Variants in CPNE4 observed in about 807,000 individuals in gnomAD.
CPNE4 encodes copine 4.
CPNE4 carries 25 observed loss-of-function variants against 67.9 expected under a neutral mutation model. The ratio of observed to expected loss-of-function variants is 0.37; its 90% CI spans 0.27 to 0.51. The LOEUF is 0.51. Among genes scored for constraint, CPNE4 ranks in the 20% least tolerant of loss-of-function variants. CPNE4 has a pLI of 0.93. For synonymous variants in CPNE4, 242 were observed against 244.9 expected (o/e 0.99, Z 0.11); for missense variants, 464 against 690.8 (o/e 0.67, Z 3.68).
At chr3:131,777,360 A>C (rs2083315200) in intron 2 of CPNE4, among the ~76,000 whole-genome samples, 1 of 149,200 alleles carries the variant, frequency 6.7e-6, no homozygotes, top group Non-Finnish European at 1.5e-5. Context: ...TTTGAATCAG[A>C]GAAAATAGCA....
intron 1 of CPNE4, among the ~76,000 whole-genome samples, chr3:131,940,782 G>A (rs571832583): frequency 6.6e-6 from 1 of 152,194 alleles, no homozygotes; most frequent in African/African-American, 2.4e-5. Flanking sequence ...TTGTGACCAG[G>A]AACACACAAT....
At chr3:131,886,966 T>C (rs2087918110) in intron 2 of CPNE4, among the ~76,000 whole-genome samples, 1 of 152,178 alleles carries the variant, frequency 6.6e-6, no homozygotes, top group African/African-American at 2.4e-5. Context: ...AATGCTGAAA[T>C]GAGTTAAGAC....
chr3:131,972,155 C>T (rs1489935445), intron 1 of CPNE4, among the ~76,000 whole-genome samples: 2 of 152,082 alleles, frequency 1.3e-5, no homozygotes, highest in East Asian at 1.9e-4. Context: ...AAAAGAAATA[C>T]CTATCTTCTC....
rs190744596 is a variant in CPNE4 at position 131,898,030 on chromosome 3, T to C, written c.180+7234A>G. ...TACCTGATACATTGTTTAAGTACTC[T>C]CAATATATTTAAGGTATTATAAATA... On this transcript the variant is annotated intron_variant, in intron 2 of 15. Coordinates refer to ENST00000429747, the MANE Select transcript of CPNE4 (RefSeq NM_130808.3). 1.8e-3 allele frequency among the ~76,000 whole-genome samples: 267 copies of C among 152,212 alleles called. 1 individual carries two copies. Among genetic ancestry groups the C allele is most frequent in the African/African-American group, 6.1e-3 (255 of 41,546 alleles).
chr3:131,632,947 T>C (rs929939664), intron 7 of CPNE4, among the ~76,000 whole-genome samples: 1 of 152,146 alleles, frequency 6.6e-6, no homozygotes, highest in African/African-American at 2.4e-5. Context: ...GATGATCCCG[T>C]ATCTCTCCAG....
chr3:131,795,818 C>T (rs1229603752), intron 2 of CPNE4, among the ~76,000 whole-genome samples: 1 of 152,180 alleles, frequency 6.6e-6, no homozygotes. Context: ...TATGACTCCT[C>T]TTATAGCTCA....
At chr3:132,023,562 A>T (rs2074048853) in intron 1 of CPNE4, among the ~76,000 whole-genome samples, 1 of 126,550 alleles carries the variant, frequency 7.9e-6, no homozygotes, top group South Asian at 2.5e-4. Context: ...ATCTCGGCTC[A>T]CTGCAAGCTC....
intron 2 of CPNE4, among the ~76,000 whole-genome samples, chr3:131,859,737 A>T (rs2107663953): frequency 6.6e-6 from 1 of 152,318 alleles, no homozygotes; most frequent in Middle Eastern, 3.4e-3. Flanking sequence ...TCCACTGCAG[A>T]TGACAAGTGT....
At chr3:131,805,840 G>A (rs944249033) in intron 2 of CPNE4, among the ~76,000 whole-genome samples, 2 of 152,146 alleles carry the variant, frequency 1.3e-5, no homozygotes, top group African/African-American at 4.8e-5. Context: ...ACAAAGATAT[G>A]CCCAAGTCCA....
intron 4 of CPNE4, among the ~76,000 whole-genome samples, chr3:131,697,987 C>T (rs1287181233): frequency 6.6e-6 from 1 of 151,872 alleles, no homozygotes; most frequent in Non-Finnish European, 1.5e-5. Context: ...AATCCCAGCA[C>T]TTTGGGAGGT....
At chr3:131,860,320 G>C (rs1015068178) in intron 2 of CPNE4, among the ~76,000 whole-genome samples, 1 of 152,126 alleles carries the variant, frequency 6.6e-6, no homozygotes, top group Non-Finnish European at 1.5e-5. Flanking sequence ...TATTAATTGA[G>C]GGTTACTGAT....
intron 2 of CPNE4, among the ~76,000 whole-genome samples, chr3:131,819,307 T>C (rs188619708): frequency 4.7e-4 from 72 of 152,272 alleles, no homozygotes; most frequent in African/African-American, 1.7e-3. Context: ...ACCATTAGCA[T>C]GTAAAAGGAA....
intron 1 of CPNE4, among the ~76,000 whole-genome samples, chr3:131,940,996 C>T (rs1222346993): frequency 2.0e-5 from 3 of 151,910 alleles, no homozygotes; most frequent in East Asian, 3.9e-4. Flanking sequence ...TAATAAAACA[C>T]GAAATAAGAG....
intron 2 of CPNE4, among the ~76,000 whole-genome samples, chr3:131,783,665 T>C (rs1373890993): frequency 6.6e-6 from 1 of 152,102 alleles, no homozygotes; most frequent in Non-Finnish European, 1.5e-5. Context: ...GGTATATTGA[T>C]ATCCTCTTAT....
intron 2 of CPNE4, among the ~76,000 whole-genome samples, chr3:131,886,174 C>T (rs2087882964): frequency 6.6e-6 from 1 of 152,182 alleles, no homozygotes; most frequent in African/African-American, 2.4e-5. Flanking sequence ...CGTGTGCAGC[C>T]TAGGGACTTC....
chr3:131,816,142 C>A (rs1560382820), intron 2 of CPNE4, among the ~76,000 whole-genome samples: 1 of 152,084 alleles, frequency 6.6e-6, no homozygotes, highest in Non-Finnish European at 1.5e-5. Context: ...GATCCTAAAA[C>A]CCACTGTAAT....
intron 1 of CPNE4, among the ~76,000 whole-genome samples, chr3:131,958,341 C>T (rs1325077868): frequency 1.3e-5 from 2 of 152,124 alleles, no homozygotes; most frequent in African/African-American, 2.4e-5. Flanking sequence ...TTGTACATCA[C>T]ACCAATGGTC....
At chr3:131,820,066 T>A (rs1365678422) in intron 2 of CPNE4, among the ~76,000 whole-genome samples, 1 of 152,198 alleles carries the variant, frequency 6.6e-6, no homozygotes, top group Non-Finnish European at 1.5e-5. Context: ...CCTCATTTGT[T>A]ACAATGGGAA....
chr3:131,994,721 G>T (rs777534406), intron 1 of CPNE4, among the ~76,000 whole-genome samples: 36 of 152,148 alleles, frequency 2.4e-4, no homozygotes, highest in Admixed American at 7.2e-4. Flanking sequence ...TCCTCCCAAA[G>T]GACGTAAACT....
Sources: gnomAD v4.1 joint callset for allele counts (sites outside exome capture counted in the v4.1 genomes callset) on GRCh38, gnomAD v4.1.1 for gene constraint, MANE v1.5 for transcripts, NCBI Gene and HGNC (gene_info 2026-07-23, HGNC 2026-07-21) for gene names.